The following KCNH8 variants were observed in gnomAD, a reference collection of about 807,000 sequenced individuals.
KCNH8 encodes the protein potassium voltage-gated channel subfamily H member 8.
In KCNH8, 70 loss-of-function variants were observed where a neutral mutation model predicts 103.6. The ratio of observed to expected loss-of-function variants is 0.68; its 90% CI spans 0.56 to 0.82. KCNH8 has a LOEUF of 0.82. Among genes scored for constraint, KCNH8 ranks in the 40% least tolerant of loss-of-function variants. The pLI is 0.00. For synonymous variants in KCNH8, 498 were observed against 489.4 expected (o/e 1.02, Z -0.23); for missense variants, 1,217 against 1,329.9 (o/e 0.92, Z 1.32).
At chr3:19,400,682 A>G (rs2066599495) in intron 7 of KCNH8, among the ~76,000 whole-genome samples, 1 of 151,890 alleles carries the variant, frequency 6.6e-6, no homozygotes, top group Non-Finnish European at 1.5e-5. Context: ...GTCAGACATC[A>G]TTTTCAAATT....
At chr3:19,314,370 T>G (rs776836464) in intron 3 of KCNH8, among the ~76,000 whole-genome samples, 6 of 151,798 alleles carry the variant, frequency 4.0e-5, no homozygotes, top group African/African-American at 7.3e-5. Flanking sequence ...CCCAGGAGAT[T>G]GAAAGCATGG....
At chr3:19,166,519 G>A (rs970386031) in intron 1 of KCNH8, among the ~76,000 whole-genome samples, 5 of 152,046 alleles carry the variant, frequency 3.3e-5, no homozygotes, top group African/African-American at 1.2e-4. Flanking sequence ...ATTGTTCGTA[G>A]TACATAGTCC....
chr3:19,489,360 T>G (rs1202164032), intron 11 of KCNH8, among the ~76,000 whole-genome samples: 2 of 152,170 alleles, frequency 1.3e-5, no homozygotes, highest in African/African-American at 4.8e-5. Flanking sequence ...GTCCCTTTGC[T>G]ACTAGTACTG....
intron 1 of KCNH8, among the ~76,000 whole-genome samples, chr3:19,163,174 G>A (rs921779234): frequency 6.6e-6 from 1 of 151,410 alleles, no homozygotes; most frequent in African/African-American, 2.4e-5. Context: ...CAACAACTTG[G>A]CATAAGAGAC....
At chr3:19,335,934 C>T (rs1320153684) in intron 3 of KCNH8, among the ~76,000 whole-genome samples, 1 of 151,476 alleles carries the variant, frequency 6.6e-6, no homozygotes, top group African/African-American at 2.4e-5. Context: ...GATACAGTTG[C>T]CAAAAGTTTA....
intron 1 of KCNH8, among the ~76,000 whole-genome samples, chr3:19,232,828 G>C (rs1041637775): frequency 6.6e-6 from 1 of 152,156 alleles, no homozygotes; most frequent in South Asian, 2.1e-4. Flanking sequence ...TGTAGCTACA[G>C]GTCTCAGAAA....
chr3:19,253,792 G>GCTACAAACCAAT lies in KCNH8; in HGVS notation c.215_216insCTACAAACCAAT (p.Gly72_Val73insTyrLysProMet). On this transcript the variant is annotated inframe_insertion, in exon 2 of 16. Transcript: ENST00000328405. ...AGTTGTAGCTGCAAGTTCTTATTTGGGGTTGAAACCAATGAGCAACTGATG... is the reference window on the plus strand; with the variant it reads ...AGTTGTAGCTGCAAGTTCTTATTTGGCTACAAACCAATGGTTGAAACCAATGAGCAACTGATG... 1 of 1,613,706 alleles carries GCTACAAACCAAT rather than the reference G, an allele frequency of 6.2e-7. No individual in the cohort carries two copies. Among genetic ancestry groups the GCTACAAACCAAT allele is most frequent in the Non-Finnish European group, 8.5e-7 (1 of 1,179,862 alleles).
At chr3:19,506,473 G>A (rs1378048573) in intron 11 of KCNH8, among the ~76,000 whole-genome samples, 1 of 152,204 alleles carries the variant, frequency 6.6e-6, no homozygotes. Flanking sequence ...AATAGGTGGT[G>A]CTTAAGTGAA....
At chr3:19,172,831 T>TC (rs1202577470) in intron 1 of KCNH8, among the ~76,000 whole-genome samples, 3 of 152,058 alleles carry the variant, frequency 2.0e-5, no homozygotes, top group Non-Finnish European at 4.4e-5. Context: ...CCTTCCCCCT[T>TC]CCCCCCACCA....
At chr3:19,258,124 A>G (rs890722307) in intron 2 of KCNH8, among the ~76,000 whole-genome samples, 4 of 152,068 alleles carry the variant, frequency 2.6e-5, no homozygotes, top group Admixed American at 2.0e-4. Flanking sequence ...CTATCTTCAA[A>G]AAAGGTCCCA....
In KCNH8 at chr3:19,148,788, C is replaced by A; in HGVS notation, c.69C>A (p.Asp23Glu). 6.2e-7 allele frequency: 1 copy of A among 1,613,700 alleles called. No individual in the cohort carries two copies. Among genetic ancestry groups the A allele is most frequent in the Non-Finnish European group, 8.5e-7 (1 of 1,179,598 alleles). Reference protein sequence around the residue: ...TFLDTIATRFDGTHSNFILAN... With the variant: ...TFLDTIATRFEGTHSNFILAN... The stretch of plus-strand genomic sequence containing the variant: ...TGGACACCATCGCCACCCGTTTTGA[C>A]GGAACACGTAAGTCTTACACTTGAA... Residue 23 changes from aspartate (D) to glutamate (E), a missense_variant, in exon 1 of 16, where the codon GAC becomes GAA. Coordinates refer to ENST00000328405, the MANE Select transcript of KCNH8 (RefSeq NM_144633.3).
Position 19,281,216 on chromosome 3 carries a change from T to A in KCNH8, c.329T>A (p.Leu110Gln). ...YKKNGSPFWC[L>Q]LDIVPIKNEK... The stretch of plus-strand genomic sequence containing the variant: ...GTTGCAGGGTCTCCATTTTGGTGCC[T>A]ACTGGATATTGTTCCCATAAAGAAT... Residue 110 changes from leucine to glutamine, a missense_variant, in exon 3 of 16, where the codon CTA becomes CAA. Coordinates refer to ENST00000328405, the MANE Select transcript of KCNH8 (RefSeq NM_144633.3). 6.2e-7 allele frequency: 1 copy of A among 1,611,196 alleles called. No individual in the cohort carries two copies.
intron 5 of KCNH8, among the ~76,000 whole-genome samples, chr3:19,361,191 AAAC>A (rs1452395122): frequency 1.3e-5 from 2 of 152,280 alleles, no homozygotes; most frequent in East Asian, 1.9e-4. Context: ...GAGTGGGGAA[AAAC>A]AACAAGAAAA....
intron 11 of KCNH8, among the ~76,000 whole-genome samples, chr3:19,507,438 G>C (rs1044808695): frequency 6.6e-6 from 1 of 152,132 alleles, no homozygotes; most frequent in Non-Finnish European, 1.5e-5. Context: ...CAGGGAAGAG[G>C]GTCTGGATTC....
At chr3:19,211,266 T>G (rs776742440) in intron 1 of KCNH8, among the ~76,000 whole-genome samples, 1 of 152,192 alleles carries the variant, frequency 6.6e-6, no homozygotes, top group Non-Finnish European at 1.5e-5. Flanking sequence ...AGATGCCATG[T>G]AGAAGTGCAT....
intron 5 of KCNH8, among the ~76,000 whole-genome samples, chr3:19,389,320 T>C (rs534145130): frequency 6.6e-6 from 1 of 152,146 alleles, no homozygotes; most frequent in Non-Finnish European, 1.5e-5. Flanking sequence ...TTCAAGCTCA[T>C]AGGGCTGTTG....
chr3:19,240,700 C>T (rs1329071344), intron 1 of KCNH8, among the ~76,000 whole-genome samples: 1 of 151,678 alleles, frequency 6.6e-6, no homozygotes, highest in Non-Finnish European at 1.5e-5. Context: ...ACTTCTTAAA[C>T]AGCATATATA....
intron 2 of KCNH8, among the ~76,000 whole-genome samples, chr3:19,258,945 C>CTATATATA (rs1165506732): frequency 7.1e-4 from 30 of 42,248 alleles, no homozygotes; most frequent in East Asian, 1.6e-3. Flanking sequence ...CTCTCTCTCT[C>CTATATATA]TCTATATATA....
chr3:19,217,765 G>A (rs566013202), intron 1 of KCNH8, among the ~76,000 whole-genome samples: 2 of 152,234 alleles, frequency 1.3e-5, no homozygotes, highest in East Asian at 3.9e-4. Context: ...CCATTTGTAC[G>A]GTCGCAGCTT....
Sources: allele counts gnomAD v4.1 joint callset (sites outside exome capture counted in the v4.1 genomes callset), GRCh38; gene constraint gnomAD v4.1.1; transcripts MANE v1.5; gene names NCBI Gene and HGNC (gene_info 2026-07-23, HGNC 2026-07-21).